Variants in ZC3H4 observed in about 807,000 individuals in gnomAD.
ZC3H4 encodes zinc finger CCCH domain-containing protein 4.
ZC3H4 carries 13 observed loss-of-function variants against 108.3 expected under a neutral mutation model. The observed-to-expected ratio is 0.12, with a 90% CI of 0.08 to 0.19. The LOEUF (loss-of-function observed/expected upper bound fraction) is 0.19. Ranked by LOEUF, ZC3H4 falls within the 10% of genes least tolerant of loss-of-function variation. The pLI is 1.00. For missense variants in ZC3H4, 1,734 were observed against 1,838.8 expected (o/e 0.94, Z 1.04); for synonymous variants, 917 against 749.6 (o/e 1.22, Z -3.65).
At chr19:47,069,407 C>G in intron 13 of ZC3H4, 64 bp from the exon 14 acceptor site, 1 of 1,554,490 alleles carries the variant, frequency 6.4e-7, no homozygotes, top group Non-Finnish European at 8.7e-7. Context: ...CTCCAGCCCC[C>G]CTGCCCCTCA....
chr19:47,098,793 T>C (rs2123040438), intron 2 of ZC3H4, among the ~76,000 whole-genome samples: 1 of 152,242 alleles, frequency 6.6e-6, no homozygotes, highest in Non-Finnish European at 1.5e-5. Flanking sequence ...AAAAGATATT[T>C]CATGTCCAAA....
chr19:47,086,636 GCTGCCTCCTCCTCCTTCT>G (rs2122900788), intron 5 of ZC3H4, 98 bp from the exon 6 acceptor site: 1 of 1,447,016 alleles, frequency 6.9e-7, no homozygotes, highest in Admixed American at 2.9e-5. Flanking sequence ...AATCACTTCA[GCTGCCTCCTCCTCCTTCT>G]CCTCCTCCTC....
At chr19:47,096,595 C>A (rs2057823779) in intron 2 of ZC3H4, among the ~76,000 whole-genome samples, 1 of 152,230 alleles carries the variant, frequency 6.6e-6, no homozygotes, top group South Asian at 2.1e-4. Context: ...CAGGGCCACA[C>A]CTCAAGAGAA....
chr19:47,092,638 GA>G (rs1442953937), intron 4 of ZC3H4, among the ~76,000 whole-genome samples: 1 of 151,876 alleles, frequency 6.6e-6, no homozygotes, highest in African/African-American at 2.4e-5. Flanking sequence ...CCAACATCGT[GA>G]AACCCTGTCT....
chr19:47,085,231 ACCCCCT>A, intron 7 of ZC3H4, 36 bp from the exon 8 acceptor site: 1 of 1,560,334 alleles, frequency 6.4e-7, no homozygotes, highest in Non-Finnish European at 8.7e-7. Context: ...CCTGCTGACC[ACCCCCT>A]CCCCCACCCC....
rs932814013 is a variant in ZC3H4, at chr19:47,098,679, G to A, written c.162-4071C>T. On this transcript the variant is annotated intron_variant, in intron 2 of 14. Transcript: ENST00000253048. ...CTCAGGAGGCTGAGGTAGGAGAATC[G>A]CTTGAACCTGGGAGGCGGAGATTGC... Among the ~76,000 whole-genome samples, 73 of 151,312 alleles carry A rather than the reference G, an allele frequency of 4.8e-4. 2 individuals carry two copies. Among genetic ancestry groups the A allele is most frequent in the Admixed American group, 4.7e-3 (72 of 15,200 alleles).
intron 5 of ZC3H4, among the ~76,000 whole-genome samples, chr19:47,087,533 G>A (rs567599276): frequency 6.6e-6 from 1 of 150,550 alleles, no homozygotes; most frequent in African/African-American, 2.4e-5. Context: ...ACAGGAGTTC[G>A]AAACAAGCCT....
In ZC3H4 at chr19:47,081,504, G is replaced by A. The variant is rs75022794; in HGVS notation, c.1440+9C>T. 3.5e-3 allele frequency: 5,694 copies of A among 1,613,512 alleles called. 196 individuals carry two copies. The African/African-American group carries it at 0.067, about 19-fold the overall frequency. On this transcript the variant is annotated intron_variant, in intron 11 of 14. Coordinates refer to ENST00000253048, the MANE Select transcript of ZC3H4 (RefSeq NM_015168.2). ...TGTAGCCGGGGGCCCCGTTACCCCC[G>A]GACATTACCTTATCCAAGAGCTCCC... is the stretch of plus-strand genomic sequence containing the variant.
intron 2 of ZC3H4, among the ~76,000 whole-genome samples, chr19:47,101,575 G>A (rs1006297946): frequency 7.2e-5 from 11 of 151,774 alleles, no homozygotes; most frequent in African/African-American, 2.7e-4. Context: ...AAAAAGTTAA[G>A]AAAGAAAAAA....
Position 47,084,412 on chromosome 19 carries a change from G to A in ZC3H4, c.1151C>T (p.Pro384Leu), listed in dbSNP as rs773853787. Residue 384 changes from proline (P) to leucine (L), a missense_variant, in exon 9 of 15, where the codon CCC (proline) becomes CTC (leucine). This residue lies in a region of ZC3H4 where 403 missense variants were observed against 457.0 expected (regional missense o/e 0.88). Coordinates refer to ENST00000253048, the MANE Select transcript of ZC3H4 (RefSeq NM_015168.2). ...GCCTTTCTTGTCCGACTGCTGGTGGGGCTTGTCATGGTCACGACTCCGGTA... is the reference window on the plus strand; with the variant it reads ...GCCTTTCTTGTCCGACTGCTGGTGGAGCTTGTCATGGTCACGACTCCGGTA... ...GSYRSRDHDK[P>L]HQQSDKKGKV... 5.6e-6 allele frequency: 9 copies of A among 1,614,210 alleles called. No individual in the cohort carries two copies. The East Asian group carries it at 1.8e-4, about 32-fold the overall frequency.
At chr19:47,100,094 G>A (rs2057882757) in intron 2 of ZC3H4, among the ~76,000 whole-genome samples, 1 of 152,162 alleles carries the variant, frequency 6.6e-6, no homozygotes, top group Admixed American at 6.5e-5. Context: ...CAGAAGTCCA[G>A]GATCCCCAAG....
intron 1 of ZC3H4, 41 bp from the exon 2 acceptor site, chr19:47,112,630 C>T: frequency 4.9e-6 from 6 of 1,216,694 alleles, no homozygotes; most frequent in South Asian, 4.0e-5. Flanking sequence ...AAAAGGACTG[C>T]TTGGGCGTGG....
chr19:47,066,276 G>T lies in ZC3H4; in HGVS notation c.*80C>A. On this transcript the variant is annotated 3_prime_UTR_variant, in exon 15 of 15. Transcript: ENST00000253048. ...AGGAACACCCAGCCTGCCTCCCCTT[G>T]CCCCCAAGTTCCCTACCCTGGGTGC... is the stretch of plus-strand genomic sequence containing the variant. 1.7e-6 allele frequency: 2 copies of T among 1,188,874 alleles called. No homozygotes were observed. The highest frequency in any genetic ancestry group is 2.2e-6 in the Non-Finnish European group (2 of 896,060). The allele number at this position is 1,188,874 out of a possible 1,614,324, so 73.6% of individuals were successfully genotyped here. A position where few individuals can be genotyped will look rare whatever the true frequency, so the allele number is the denominator to read the frequency against.
Position 47,072,330 on chromosome 19 carries a change from C to T in ZC3H4, c.1802+22G>A, listed in dbSNP as rs754487105. On this transcript the variant is annotated intron_variant, in intron 12 of 14. Transcript: ENST00000253048. This position sits in a 1 kb window ranked among gnomAD's most constrained non-coding sequence, Gnocchi z 5.6. ...GCCCAGGACAGCGCCCACTGCCTGT[C>T]ACGGGGGTCCAGGGCACTCACCTCA... 3 of 1,609,030 alleles carry T rather than the reference C, an allele frequency of 1.9e-6. No individual in the cohort carries two copies. Among genetic ancestry groups the T allele is most frequent in the South Asian group, 1.1e-5 (1 of 90,224 alleles).
In ZC3H4 at chr19:47,067,212, C is replaced by T. The variant is rs1448204124; in HGVS notation, c.3056G>A (p.Gly1019Glu). Residue 1019 changes from glycine (G) to glutamate (E), a missense_variant, in exon 15 of 15, where the codon GGG (glycine) becomes GAG (glutamate). Transcript: ENST00000253048. This position sits in a 1 kb window ranked among gnomAD's most constrained non-coding sequence, Gnocchi z 6.4. ...DPRLHRAATAGPPNARQRPGA... is the reference protein window; with the variant it reads ...DPRLHRAATAEPPNARQRPGA... ...CGGGCGCTGCCGGGCGTTGGGGGGC[C>T]CTGCCGTGGCAGCGCGGTGCAGCCG... The T allele has an allele frequency of 6.2e-7, 1 of 1,608,956 alleles. No individual in the cohort carries two copies. Among genetic ancestry groups the T allele is most frequent in the Non-Finnish European group, 8.5e-7 (1 of 1,177,760 alleles).
At chr19:47,108,169 A>G (rs1011185080) in intron 2 of ZC3H4, among the ~76,000 whole-genome samples, 1 of 152,106 alleles carries the variant, frequency 6.6e-6, no homozygotes, top group Non-Finnish European at 1.5e-5. Context: ...TGTGCTGCCA[A>G]GGCACAGGTT....
At chr19:47,110,131 G>A (rs1317513830) in intron 2 of ZC3H4, among the ~76,000 whole-genome samples, 1 of 152,082 alleles carries the variant, frequency 6.6e-6, no homozygotes. Context: ...CAAATGACTT[G>A]CTCAATTTTA....
intron 11 of ZC3H4, among the ~76,000 whole-genome samples, chr19:47,078,439 A>C (rs1204855598): frequency 6.7e-6 from 1 of 148,962 alleles, no homozygotes; most frequent in African/African-American, 2.5e-5. Flanking sequence ...AGCCGAGACC[A>C]CGCCCACTGC....
In ZC3H4 at chr19:47,072,460, A is replaced by G. The variant is rs374534391; in HGVS notation, c.1694T>C (p.Leu565Pro). 2.0e-6 allele frequency: 3 copies of G among 1,492,414 alleles called. No individual in the cohort carries two copies. Among genetic ancestry groups the G allele is most frequent in the African/African-American group, 3.0e-5 (2 of 67,360 alleles). 92.4% of individuals were successfully genotyped at this position (1,492,414 alleles called of 1,614,324 possible). A position where few individuals can be genotyped will look rare whatever the true frequency, so the allele number is the denominator to read the frequency against. The change falls in exon 12 of 15, where the codon CTG becomes CCG. Residue 565 changes from leucine (L) to proline (P), a missense_variant. Around this residue, in one of 9 missense-constraint regions of ZC3H4, gnomAD observed 75 missense variants for 85.8 expected, o/e 0.87. Transcript: ENST00000253048. The surrounding 1 kb of genome is among the most constrained non-coding windows in gnomAD (Gnocchi z 5.6). ...PQMPMPVHEP[L>P]SPQQLQQQDM... Reference sequence around the variant, plus strand: ...CTGCTGCTGCAGCTGCTGCGGGGACAGTGGCTCATGCACCGGCATGGGCAT... The same window carrying G: ...CTGCTGCTGCAGCTGCTGCGGGGACGGTGGCTCATGCACCGGCATGGGCAT...
Sources: gnomAD v4.1 joint callset for allele counts (sites outside exome capture counted in the v4.1 genomes callset) on GRCh38, gnomAD v4.1.1 for gene constraint, gnomAD v4.1.1 regional missense constraint, Gnocchi (gnomAD v3.1) non-coding constraint, MANE v1.5 for transcripts, NCBI Gene and HGNC (gene_info 2026-07-23, HGNC 2026-07-21) for gene names.